ZDHHC2: variants seen among roughly 807,000 people sequenced by gnomAD.
ZDHHC2 encodes zDHHC palmitoyltransferase 2, also known as palmitoyltransferase ZDHHC2.
In ZDHHC2, 51 loss-of-function variants were observed where a neutral mutation model predicts 55.6. That is an observed-to-expected ratio of 0.92 (90% confidence interval 0.73 to 1.16). ZDHHC2 has a LOEUF of 1.16. ZDHHC2 is among the 50% of genes most tolerant of loss of function. The probability of loss-of-function intolerance (pLI) is 0.00; values close to 1 mark genes in which losing one functional copy is unlikely to be tolerated. For synonymous variants in ZDHHC2, 199 were observed against 152.9 expected, an observed-to-expected ratio of 1.30 and a Z score of -2.22; for missense variants, 491 against 442.4, an observed-to-expected ratio of 1.11 and a Z score of -0.99.
intron 10 of ZDHHC2, 102 bp from the exon 11 acceptor site, chr8:17,215,135 T>C: frequency 1.1e-6 from 1 of 942,084 alleles, no homozygotes; most frequent in Non-Finnish European, 1.6e-6. Context: ...CTGCATCATC[T>C]TGCATTGCAA....
intron 5 of ZDHHC2, 107 bp downstream of exon 5, chr8:17,197,758 C>T: frequency 8.1e-7 from 1 of 1,229,704 alleles, no homozygotes; most frequent in South Asian, 1.4e-5. Flanking sequence ...ATTCTCGCTT[C>T]TCAGCCCTTG....
chr8:17,184,620 C>CCT (rs75130109), intron 1 of ZDHHC2, among the ~76,000 whole-genome samples, 169 bp from the exon 2 acceptor site: 150,602 of 152,282 alleles, frequency 0.99, 74,501 homozygotes, highest in Middle Eastern at 1. Flanking sequence ...TTTCCTGCAC[C>CCT]CTCTCCACAC....
chr8:17,167,750 G>C (rs932466438), intron 1 of ZDHHC2, among the ~76,000 whole-genome samples: 1 of 152,066 alleles, frequency 6.6e-6, no homozygotes, highest in African/African-American at 2.4e-5. Context: ...ATGTGTAATA[G>C]AGTAAGTAAT....
chr8:17,215,179 A>T, intron 10 of ZDHHC2, 58 bp from the exon 11 acceptor site: 1 of 1,470,970 alleles, frequency 6.8e-7, no homozygotes, highest in East Asian at 2.5e-5. Flanking sequence ...GAAACAATCA[A>T]CTTTACTATC....
chr8:17,174,130 C>T (rs1177855106), intron 1 of ZDHHC2, among the ~76,000 whole-genome samples: 1 of 150,970 alleles, frequency 6.6e-6, no homozygotes, highest in African/African-American at 2.4e-5. Flanking sequence ...TGCTCTGTCT[C>T]CCAATCTGGA....
At chr8:17,205,581 A>T (rs1367673010) in intron 6 of ZDHHC2, 74 bp from the exon 7 acceptor site, 1 of 1,431,188 alleles carries the variant, frequency 7.0e-7, no homozygotes, top group Non-Finnish European at 9.2e-7. Context: ...AGGAAGCTAA[A>T]CACTTGCTTG....
chr8:17,215,449 A>T, intron 11 of ZDHHC2, 100 bp downstream of exon 11: 2 of 914,360 alleles, frequency 2.2e-6, no homozygotes, highest in South Asian at 3.1e-5. Context: ...ATGTTTTCTT[A>T]GTTTGGAGTC....
intron 1 of ZDHHC2, among the ~76,000 whole-genome samples, chr8:17,161,429 A>G (rs1804338147): frequency 6.6e-6 from 1 of 152,240 alleles, no homozygotes; most frequent in African/African-American, 2.4e-5. Context: ...AGTTGATGCA[A>G]AAGTAATTGC....
intron 1 of ZDHHC2, among the ~76,000 whole-genome samples, chr8:17,160,754 T>C (rs1804300218): frequency 6.6e-6 from 1 of 152,238 alleles, no homozygotes; most frequent in Non-Finnish European, 1.5e-5. Context: ...GGCTATATAG[T>C]ACATATTTTT....
chr8:17,194,639 A>G (rs1168258891), intron 3 of ZDHHC2, among the ~76,000 whole-genome samples: 2 of 152,084 alleles, frequency 1.3e-5, no homozygotes, highest in Admixed American at 6.6e-5. Flanking sequence ...GAATCATTGT[A>G]TATATGTTCT....
At chr8:17,177,791 T>TG (rs1225907581) in intron 1 of ZDHHC2, among the ~76,000 whole-genome samples, 8 of 150,100 alleles carry the variant, frequency 5.3e-5, no homozygotes, top group African/African-American at 4.9e-5. Flanking sequence ...TGTGTGGGGG[T>TG]GGGGGGCGGT....
chr8:17,185,459 C>A (rs1014027507), intron 2 of ZDHHC2, among the ~76,000 whole-genome samples: 2 of 151,766 alleles, frequency 1.3e-5, no homozygotes, highest in Admixed American at 1.3e-4. Context: ...AAGTTCAAGA[C>A]CAGCCTGGCC....
chr8:17,161,112 G>T (rs1804322887), intron 1 of ZDHHC2, among the ~76,000 whole-genome samples: 1 of 152,110 alleles, frequency 6.6e-6, no homozygotes, highest in Admixed American at 6.5e-5. Context: ...ACATCCCTAA[G>T]AACAAAATAC....
intron 6 of ZDHHC2, among the ~76,000 whole-genome samples, chr8:17,205,050 A>G (rs1377302111): frequency 6.6e-6 from 1 of 152,212 alleles, no homozygotes; most frequent in Non-Finnish European, 1.5e-5. Flanking sequence ...TTACAGATAA[A>G]GAAAATGAAA....
chr8:17,190,951 C>CTTTTTT lies in ZDHHC2; in HGVS notation c.253-4530_253-4525dup, dbSNP rs10601402. ...TGTCAAATACTAGGTCTTATTCATTCTTTTTTTTTTTTTTTTTTTTTTTTT... is the reference window on the plus strand; with the variant it reads ...TGTCAAATACTAGGTCTTATTCATTCTTTTTTTTTTTTTTTTTTTTTTTTTTTTTTT... On this transcript the variant is annotated intron_variant, in intron 3 of 12. Coordinates refer to ENST00000262096, the MANE Select transcript of ZDHHC2 (RefSeq NM_016353.5). Among the ~76,000 whole-genome samples the CTTTTTT allele has an allele frequency of 2.0e-3, 103 of 52,792 alleles. 2 individuals are homozygous for CTTTTTT. Among genetic ancestry groups the CTTTTTT allele is most frequent in the Non-Finnish European group, 2.3e-3 (69 of 29,442 alleles). The allele number at this position is 52,792 out of a possible 152,430, so 34.6% of individuals were successfully genotyped here.
rs186111832 is a variant in ZDHHC2 at position 17,210,047 on chromosome 8, C to T, written c.846C>T (p.Pro282=). The part of the protein sequence containing the change: ...FGDEKKYWLL[P]IFSSLGDGCS... ...ATGAGAAGAAGTACTGGTTGCTACC[C>T]ATTTTTTCAAGGTACTTCTTTGTTA... The change falls in exon 9 of 13, where the codon CCC becomes CCT. Residue 282 remains proline, a synonymous_variant. Transcript: ENST00000262096. The T allele has an allele frequency of 8.3e-4, 1,334 of 1,600,230 alleles. 5 individuals are homozygous for T. The highest frequency in any genetic ancestry group is 5.3e-4 in the Non-Finnish European group (625 of 1,172,746).
At chr8:17,208,934 T>A (rs1394031906) in intron 8 of ZDHHC2, among the ~76,000 whole-genome samples, 1 of 152,162 alleles carries the variant, frequency 6.6e-6, no homozygotes, top group Non-Finnish European at 1.5e-5. Context: ...TATCCTAGGA[T>A]GAAGAATGCT....
In ZDHHC2 at chr8:17,209,358, G is replaced by A. The variant is rs564058423; in HGVS notation, c.731-574G>A. ...ATTGGAAAATACTTAGCCAGGCATGGTGGCATGACACCTGTTGCTCCAGGA... is the reference window on the plus strand; with the variant it reads ...ATTGGAAAATACTTAGCCAGGCATGATGGCATGACACCTGTTGCTCCAGGA... On this transcript the variant is annotated intron_variant, in intron 8 of 12. Coordinates refer to ENST00000262096, the MANE Select transcript of ZDHHC2 (RefSeq NM_016353.5). 3.3e-5 allele frequency among the ~76,000 whole-genome samples: 5 copies of A among 152,242 alleles called. No homozygotes were observed. In the South Asian group the frequency reaches 6.2e-4, roughly 19 times the overall value.
chr8:17,210,091 C>T, intron 9 of ZDHHC2, 33 bp downstream of exon 9: 2 of 1,564,994 alleles, frequency 1.3e-6, no homozygotes, highest in Non-Finnish European at 1.7e-6. Flanking sequence ...AGGCTTTAAA[C>T]TAATGAAAAT....
Sources: allele counts gnomAD v4.1 joint callset (sites outside exome capture counted in the v4.1 genomes callset), GRCh38; gene constraint gnomAD v4.1.1; transcripts MANE v1.5; gene names NCBI Gene and HGNC (gene_info 2026-07-23, HGNC 2026-07-21).